DDX31: variants seen among roughly 807,000 people sequenced by gnomAD.
DDX31 encodes the protein DEAD-box helicase 31.
In DDX31, 70 loss-of-function variants were observed where a neutral mutation model predicts 91.3. The observed-to-expected ratio is 0.77, with a 90% CI of 0.63 to 0.94. DDX31 has a LOEUF of 0.94. Ranked by LOEUF, DDX31 falls within the 40% of genes least tolerant of loss-of-function variation. The probability of loss-of-function intolerance (pLI) is 0.00; values close to 1 mark genes in which losing one functional copy is unlikely to be tolerated. For synonymous variants in DDX31, 362 were observed against 350.6 expected, an observed-to-expected ratio of 1.03 and a Z score of -0.36; for missense variants, 902 against 925.0, an observed-to-expected ratio of 0.98 and a Z score of 0.32.
chr9:132,607,981 C>T (rs552001852), intron 19 of DDX31, among the ~76,000 whole-genome samples: 31 of 152,294 alleles, frequency 2.0e-4, no homozygotes, highest in African/African-American at 7.2e-4. Flanking sequence ...CAGATAGACA[C>T]CTGGCAAACA....
chr9:132,618,834 G>GC (rs548476185), intron 17 of DDX31, among the ~76,000 whole-genome samples: 75 of 152,288 alleles, frequency 4.9e-4, no homozygotes, highest in African/African-American at 1.6e-3. Context: ...TCCCTCACGC[G>GC]CATCAGTGGA....
chr9:132,606,861 A>T (rs1831055652), intron 19 of DDX31, among the ~76,000 whole-genome samples: 1 of 152,236 alleles, frequency 6.6e-6, no homozygotes, highest in Non-Finnish European at 1.5e-5. Flanking sequence ...CTAGAGCTCT[A>T]TTCTGCACAG....
rs10668095 is a variant in DDX31 at position 132,664,716 on chromosome 9, C to CAAAA, written c.76-2025_76-2022dup. Among the ~76,000 whole-genome samples, 46 of 97,334 alleles carry CAAAA rather than the reference C, an allele frequency of 4.7e-4. 3 individuals carry two copies. The highest frequency in any genetic ancestry group is 2.6e-3 in the East Asian group (8 of 3,052). 63.9% of individuals were successfully genotyped at this position (97,334 alleles called of 152,430 possible). The stretch of plus-strand genomic sequence containing the variant: ...TGGGTGACAGAGTAAGACCCTCGCT[C>CAAAA]AAAAAAAAAAAAAAAAAAAAACTGT... On this transcript the variant is annotated intron_variant, in intron 1 of 19. Transcript: ENST00000372159.
intron 14 of DDX31, among the ~76,000 whole-genome samples, chr9:132,635,191 T>G (rs1657331346): frequency 6.6e-6 from 1 of 152,152 alleles, no homozygotes; most frequent in Non-Finnish European, 1.5e-5. Context: ...GGTCCCTCTG[T>G]TGAGAAGGTG....
chr9:132,628,529 C>T (rs1179759229), intron 16 of DDX31, among the ~76,000 whole-genome samples: 2 of 152,196 alleles, frequency 1.3e-5, no homozygotes, highest in African/African-American at 2.4e-5. Flanking sequence ...TTTCCCTTCT[C>T]AATTTTAGCT....
At chr9:132,635,081 A>G (rs1371522383) in intron 14 of DDX31, among the ~76,000 whole-genome samples, 3 of 152,134 alleles carry the variant, frequency 2.0e-5, no homozygotes, top group Non-Finnish European at 4.4e-5. Flanking sequence ...TCCTCATGGT[A>G]AGGTTGCGGT....
At chr9:132,611,744 C>A (rs1344172277) in intron 19 of DDX31, among the ~76,000 whole-genome samples, 1 of 152,058 alleles carries the variant, frequency 6.6e-6, no homozygotes, top group Non-Finnish European at 1.5e-5. Context: ...GGGCACTCAG[C>A]CCTTCCATCT....
chr9:132,651,026 T>C, intron 8 of DDX31, 49 bp downstream of exon 8: 1 of 1,522,754 alleles, frequency 6.6e-7, no homozygotes, highest in Non-Finnish European at 9.0e-7. Flanking sequence ...ATTAAATCCT[T>C]CCTCAAAGTC....
Position 132,646,894 on chromosome 9 carries a change from G to A in DDX31, c.1132C>T (p.Gln378Ter). The change falls in exon 12 of 20, where the codon CAG (glutamine) becomes TAG (stop). Residue 378 changes from glutamine (Q) to a stop codon, truncating the protein, a stop_gained. Coordinates refer to ENST00000372159, the MANE Select transcript of DDX31 (RefSeq NM_022779.9). LOFTEE classifies it high-confidence loss of function. ...DSFAIPESLK[Q>*]HVTVVPSKLR... is the part of the protein sequence containing the mutation. The stretch of plus-strand genomic sequence containing the variant: ...TTGCTGGGAACCACAGTCACATGCT[G>A]CTTGAGACTCTCTGGTATTGCAAAG... 1.2e-6 allele frequency: 2 copies of A among 1,614,192 alleles called. No homozygotes were observed. Among genetic ancestry groups the A allele is most frequent in the Non-Finnish European group, 1.7e-6 (2 of 1,180,048 alleles).
Position 132,645,938 on chromosome 9 carries a change from A to G in DDX31, c.1337T>C (p.Met446Thr). 1.2e-6 allele frequency: 2 copies of G among 1,613,798 alleles called. No homozygotes were observed. The highest frequency in any genetic ancestry group is 1.7e-6 in the Non-Finnish European group (2 of 1,179,852). The change falls in exon 13 of 20, where the codon ATG becomes ACG. Residue 446 changes from methionine (M) to threonine (T), a missense_variant. By Grantham distance (81) the Met-to-Thr change is moderately conservative. Transcript: ENST00000372159. ...ATGCAGCCGTAGGAATTTTAATCGC[A>G]TGGAGGCAGATGGCAACTGCCCTGA... ...PASGQLPSAS[M>T]RLKFLRLHGG...
At chr9:132,638,919 A>G (rs1319944872) in intron 14 of DDX31, among the ~76,000 whole-genome samples, 1 of 152,168 alleles carries the variant, frequency 6.6e-6, no homozygotes, top group Non-Finnish European at 1.5e-5. Flanking sequence ...CGGGATGATA[A>G]ATTAAAATGG....
chr9:132,643,941 A>G (rs1833657791), intron 13 of DDX31, among the ~76,000 whole-genome samples: 1 of 152,096 alleles, frequency 6.6e-6, no homozygotes. Flanking sequence ...AAAACCTACC[A>G]AACTCTAGAC....
chr9:132,642,641 C>CA (rs750890723), intron 13 of DDX31, among the ~76,000 whole-genome samples: 2,990 of 132,114 alleles, frequency 0.023, 81 homozygotes, highest in African/African-American at 0.069. Context: ...TGCAGCTTTC[C>CA]AAAAAAAAAA....
chr9:132,603,507 G>A (rs1450408370), intron 19 of DDX31, among the ~76,000 whole-genome samples: 3 of 152,132 alleles, frequency 2.0e-5, no homozygotes, highest in African/African-American at 7.2e-5. Flanking sequence ...AGGGGTTTGG[G>A]ATGACTAAAA....
intron 18 of DDX31, among the ~76,000 whole-genome samples, chr9:132,615,069 A>G (rs1831553485): frequency 6.6e-6 from 1 of 152,176 alleles, no homozygotes; most frequent in Admixed American, 6.5e-5. Flanking sequence ...AAGGTGGAGA[A>G]GTAATGAAAG....
intron 14 of DDX31, among the ~76,000 whole-genome samples, chr9:132,634,926 A>G (rs1252834168): frequency 1.3e-5 from 2 of 151,770 alleles, no homozygotes; most frequent in Admixed American, 6.6e-5. Flanking sequence ...TAGGTCACGC[A>G]CTCCGTTGTG....
intron 1 of DDX31, chr9:132,663,193 C>G (rs540997790): frequency 4.7e-6 from 6 of 1,289,446 alleles, no homozygotes; most frequent in Non-Finnish European, 6.1e-6. Context: ...CATCTCAGCC[C>G]GTGCCCAGGA....
Position 132,638,924 on chromosome 9 carries a change from A to C in DDX31, c.1440+3080T>G, listed in dbSNP as rs1729709591. Among the ~76,000 whole-genome samples the C allele has an allele frequency of 2.0e-5, 3 of 152,208 alleles. No homozygotes were observed. The South Asian group carries it at 6.2e-4, about 32-fold the overall frequency. On this transcript the variant is annotated intron_variant, in intron 14 of 19. Coordinates refer to ENST00000372159, the MANE Select transcript of DDX31 (RefSeq NM_022779.9). ...AAAAGGATCTCGGGATGATAAATTA[A>C]AATGGCAAAAGGCACAGTATAAAGG... is the stretch of plus-strand genomic sequence containing the variant.
In DDX31 at chr9:132,651,089, G is replaced by A; in HGVS notation, c.661C>T (p.Gln221Ter). 1 of 1,612,402 alleles carries A rather than the reference G, an allele frequency of 6.2e-7. No homozygotes were observed. Among genetic ancestry groups the A allele is most frequent in the Non-Finnish European group, 8.5e-7 (1 of 1,179,466 alleles). ...GTTTGCCTTACCTTAAGCAGTTTCTGGACAGTGTCAAAGCTTTGTAGAGCT... is the reference window on the plus strand; with the variant it reads ...GTTTGCCTTACCTTAAGCAGTTTCTAGACAGTGTCAAAGCTTTGTAGAGCT... The part of the protein sequence containing the change: ...ELALQSFDTV[Q>*]KLLKPFTWIV... Residue 221 changes from glutamine to a stop codon, truncating the protein, a stop_gained, in exon 8 of 20, where the codon CAG becomes TAG. Coordinates refer to ENST00000372159, the MANE Select transcript of DDX31 (RefSeq NM_022779.9). LOFTEE classifies it high-confidence loss of function.
Sources: gnomAD v4.1 joint callset for allele counts (sites outside exome capture counted in the v4.1 genomes callset) on GRCh38, gnomAD v4.1.1 for gene constraint, MANE v1.5 for transcripts, NCBI Gene and HGNC (gene_info 2026-07-23, HGNC 2026-07-21) for gene names.